The following NUP214 variants were observed in gnomAD, a reference collection of about 807,000 sequenced individuals.
NUP214 encodes nucleoporin 214, also known as nuclear pore complex protein Nup214.
Under a neutral mutation model 196.2 loss-of-function variants are expected in NUP214, and 79 were observed. That is an observed-to-expected ratio of 0.40 (90% CI 0.34 to 0.49). The LOEUF (loss-of-function observed/expected upper bound fraction) is 0.49. Ranked by LOEUF, NUP214 falls within the 20% of genes least tolerant of loss-of-function variation. The pLI is 0.58. For synonymous variants in NUP214, 1,020 were observed against 990.5 expected (o/e 1.03, Z -0.56); for missense variants, 2,468 against 2,539.0 (o/e 0.97, Z 0.60).
intron 24 of NUP214, among the ~76,000 whole-genome samples, chr9:131,185,405 A>T (rs1833425878): frequency 6.6e-6 from 1 of 152,204 alleles, no homozygotes; most frequent in Non-Finnish European, 1.5e-5. Context: ...TGGCAATGTC[A>T]GTGTCATTTG....
chr9:131,216,838 T>G (rs565662913), intron 31 of NUP214, among the ~76,000 whole-genome samples: 5 of 152,294 alleles, frequency 3.3e-5, no homozygotes, highest in African/African-American at 1.2e-4. Flanking sequence ...TAAAAGTTAT[T>G]TGTTGACCTG....
intron 34 of NUP214, among the ~76,000 whole-genome samples, chr9:131,231,410 C>G (rs563914349): frequency 1.3e-5 from 2 of 152,148 alleles, no homozygotes; most frequent in African/African-American, 4.8e-5. Context: ...CCAGGATGGT[C>G]TCCATCTCCT....
rs1833562988 is a variant in NUP214, at chr9:131,190,299, C to T, written c.3574+1168C>T. 2.7e-5 allele frequency: 14 copies of T among 527,146 alleles called. No individual in the cohort carries two copies. The East Asian group carries it at 4.6e-4, about 17-fold the overall frequency. 32.7% of individuals were successfully genotyped at this position (527,146 alleles called of 1,614,324 possible). ...AGATCATATACTCTTTTTTCAAGGA[C>T]TTCATTGGAGAGGTTTTTGTCACTC... On this transcript the variant is annotated intron_variant, in intron 26 of 35. Transcript: ENST00000359428.
At chr9:131,209,525 C>T (rs1834178318) in intron 30 of NUP214, among the ~76,000 whole-genome samples, 1 of 152,076 alleles carries the variant, frequency 6.6e-6, no homozygotes, top group Admixed American at 6.6e-5. Flanking sequence ...CAAGTAGTAG[C>T]TGGGACTACA....
rs139696944 is a variant in NUP214 at position 131,202,386 on chromosome 9, TACAC to T, written c.5592+683_5592+686del. On this transcript the variant is annotated intron_variant, in intron 30 of 35. Coordinates refer to ENST00000359428, the MANE Select transcript of NUP214 (RefSeq NM_005085.4). ...GTCTATATGTATACATATATGTGTGTACACACACACACACACATATATATATTTT... is the reference window on the plus strand; with the variant it reads ...GTCTATATGTATACATATATGTGTGTACACACACACACATATATATATTTT... 2.6e-4 allele frequency among the ~76,000 whole-genome samples: 40 copies of T among 151,368 alleles called. 1 individual carries two copies. In the East Asian group the frequency reaches 3.1e-3, roughly 12 times the overall value.
At chr9:131,150,883 T>G (rs1832237707) in intron 16 of NUP214, 118 bp downstream of exon 16, 1 of 973,602 alleles carries the variant, frequency 1.0e-6, no homozygotes, top group Non-Finnish European at 1.5e-6. Context: ...GTTGTTTTTT[T>G]AACGTGGCTG....
chr9:131,128,635 T>C (rs933070029), intron 3 of NUP214, 152 bp downstream of exon 3: 2 of 597,330 alleles, frequency 3.3e-6, no homozygotes, highest in Non-Finnish European at 5.3e-6. Context: ...TATAGAATCA[T>C]AGATCTTTGA....
At chr9:131,233,278 G>A (rs1834927866) in intron 35 of NUP214, among the ~76,000 whole-genome samples, 176 bp from the exon 36 acceptor site, 1 of 152,140 alleles carries the variant, frequency 6.6e-6, no homozygotes, top group African/African-American at 2.4e-5. Flanking sequence ...AGAGGTTGCA[G>A]TGAGCTGAGA....
chr9:131,129,282 A>C lies in NUP214; in HGVS notation c.397A>C (p.Lys133Gln), dbSNP rs375806621. 6.2e-7 allele frequency: 1 copy of C among 1,613,884 alleles called. No individual in the cohort carries two copies. Among genetic ancestry groups the C allele is most frequent in the African/African-American group, 1.3e-5 (1 of 74,926 alleles). Residue 133 changes from lysine to glutamine, a missense_variant, in exon 4 of 36, where the codon AAA (lysine) becomes CAA (glutamine). Transcript: ENST00000359428. ...TTTTGCATATTTGTTTTAAAAGGCT[A>C]AACAGCAAAAACGCCCATTTGCCTA... ...FDVRTFSNEA[K>Q]QQKRPFAYHK... is the part of the protein sequence containing the mutation.
chr9:131,217,704 G>T (rs1241398196), intron 31 of NUP214, among the ~76,000 whole-genome samples: 1 of 152,154 alleles, frequency 6.6e-6, no homozygotes, highest in Non-Finnish European at 1.5e-5. Context: ...TAGAAATTTG[G>T]GTTTATCCCA....
At chr9:131,130,864 T>C in intron 5 of NUP214, 28 bp downstream of exon 5, 1 of 1,598,036 alleles carries the variant, frequency 6.3e-7, no homozygotes, top group East Asian at 2.2e-5. Context: ...ACTTCAGAAT[T>C]TTTCTTAAGT....
chr9:131,195,870 A>G (rs1042681689), intron 28 of NUP214, among the ~76,000 whole-genome samples: 33 of 152,226 alleles, frequency 2.2e-4, no homozygotes, highest in Admixed American at 2.0e-3. Flanking sequence ...TACTAAAAAT[A>G]CAAAATTAGC....
chr9:131,204,936 C>T (rs1390960577), intron 30 of NUP214, among the ~76,000 whole-genome samples: 8 of 152,192 alleles, frequency 5.3e-5, no homozygotes, highest in Admixed American at 4.6e-4. Flanking sequence ...GGCAGACTGA[C>T]AGCAGACTTT....
At chr9:131,212,218 CA>C (rs1834266367) in intron 30 of NUP214, among the ~76,000 whole-genome samples, 1 of 152,206 alleles carries the variant, frequency 6.6e-6, no homozygotes. Flanking sequence ...TGTCTGCTCT[CA>C]AACCCTGTCT....
At chr9:131,158,002 C>T (rs922104459) in intron 17 of NUP214, among the ~76,000 whole-genome samples, 28 of 151,126 alleles carry the variant, frequency 1.9e-4, no homozygotes, top group African/African-American at 6.1e-4. Context: ...AGGCTGGTCT[C>T]GAGCTCCTGA....
rs145819843 is a variant in NUP214 at position 131,144,533 on chromosome 9, C to T, written c.1548C>T (p.Gly516=). 312 of 1,614,154 alleles carry T rather than the reference C, an allele frequency of 1.9e-4. 1 individual carries two copies. Among genetic ancestry groups the T allele is most frequent in the Middle Eastern group, 1.6e-3 (10 of 6,062 alleles). The stretch of plus-strand genomic sequence containing the variant: ...GCTCCAAAGCAGCCCCAGGCCCTGG[C>T]CCATCAACCTTCTCTTTTGTTCCCC... ...SDSSKAAPGP[G]PSTFSFVPPS... is the part of the protein sequence containing the mutation. The change falls in exon 12 of 36, where the codon GGC becomes GGT. Residue 516 remains glycine (G), a synonymous_variant. Transcript: ENST00000359428.
At chr9:131,178,533 G>A (rs987967073) in intron 24 of NUP214, 123 bp downstream of exon 24, 7 of 669,360 alleles carry the variant, frequency 1.0e-5, no homozygotes, top group Admixed American at 7.9e-5. Flanking sequence ...AGGTTATAAG[G>A]GGGGTGGCGG....
chr9:131,160,339 A>AT (rs1248512814), intron 18 of NUP214, among the ~76,000 whole-genome samples: 1 of 152,248 alleles, frequency 6.6e-6, no homozygotes, highest in South Asian at 2.1e-4. Context: ...ATTTTCCGTA[A>AT]TACTCTTCTG....
intron 17 of NUP214, among the ~76,000 whole-genome samples, chr9:131,156,681 A>G (rs986392540): frequency 2.0e-5 from 3 of 149,700 alleles, no homozygotes; most frequent in Non-Finnish European, 3.0e-5. Flanking sequence ...TTGATTTTGT[A>G]TCCTGAAAGT....
Sources: allele counts gnomAD v4.1 joint callset (sites outside exome capture counted in the v4.1 genomes callset), GRCh38; gene constraint gnomAD v4.1.1; transcripts MANE v1.5; gene names NCBI Gene and HGNC (gene_info 2026-07-23, HGNC 2026-07-21).